Variants in SLC1A1 observed in about 807,000 individuals in gnomAD.
SLC1A1 encodes the protein solute carrier family 1 member 1.
In SLC1A1, 43 loss-of-function variants were observed where a neutral mutation model predicts 53.3. The ratio of observed to expected loss-of-function variants is 0.81; its 90% CI spans 0.63 to 1.04. The LOEUF (loss-of-function observed/expected upper bound fraction) is 1.04. SLC1A1 is among the 50% of genes least tolerant of loss of function. The probability of loss-of-function intolerance (pLI) is 0.00; values close to 1 mark genes in which losing one functional copy is unlikely to be tolerated. For synonymous variants in SLC1A1, 307 were observed against 243.2 expected (o/e 1.26, Z -2.44); for missense variants, 748 against 664.9 (o/e 1.12, Z -1.37).
chr9:4,541,351 T>C (rs1437584118), intron 1 of SLC1A1, among the ~76,000 whole-genome samples: 1 of 152,208 alleles, frequency 6.6e-6, no homozygotes, highest in Non-Finnish European at 1.5e-5. Context: ...AGAAGTTTAG[T>C]AGGATTATAA....
At position 4,583,293 on chromosome 9, in the gene SLC1A1, T is replaced by G; in HGVS notation, c.1328+121T>G. 1.6e-6 allele frequency: 2 copies of G among 1,265,558 alleles called. No individual in the cohort carries two copies. The highest frequency in any genetic ancestry group is 2.3e-6 in the Non-Finnish European group (2 of 870,768). The allele number at this position is 1,265,558 out of a possible 1,614,324, so 78.4% of individuals were successfully genotyped here. Reference sequence around the variant, plus strand: ...GCCTAATGAGCCACCTGTTGCTGCTTTAATTTTCCTCTGACCAGGCCATCT... The same window carrying G: ...GCCTAATGAGCCACCTGTTGCTGCTGTAATTTTCCTCTGACCAGGCCATCT... On this transcript the variant is annotated intron_variant, in intron 11 of 11. Coordinates refer to ENST00000262352, the MANE Select transcript of SLC1A1 (RefSeq NM_004170.6). This position sits in a 1 kb window ranked among gnomAD's most constrained non-coding sequence, Gnocchi z 4.6.
chr9:4,515,543 A>T (rs1821133263), intron 1 of SLC1A1, among the ~76,000 whole-genome samples: 1 of 152,184 alleles, frequency 6.6e-6, no homozygotes, highest in African/African-American at 2.4e-5. Context: ...CTATAAAAAC[A>T]GATGGGATCC....
chr9:4,528,816 T>A (rs10758629), intron 1 of SLC1A1, among the ~76,000 whole-genome samples: 42,776 of 151,980 alleles, frequency 0.28, 7,368 homozygotes, highest in Admixed American at 0.39. Flanking sequence ...CTGATACCCT[T>A]ATCAACACAC....
chr9:4,526,880 T>A (rs1394506643), intron 1 of SLC1A1, among the ~76,000 whole-genome samples: 2 of 151,908 alleles, frequency 1.3e-5, no homozygotes, highest in East Asian at 3.9e-4. Flanking sequence ...TTACTTTAAG[T>A]GTGGATATGA....
intron 1 of SLC1A1, among the ~76,000 whole-genome samples, chr9:4,511,425 C>T (rs1186149562): frequency 1.3e-5 from 2 of 152,126 alleles, no homozygotes; most frequent in Non-Finnish European, 2.9e-5. Context: ...ACCTAATCAC[C>T]TCTCAAGGGC....
chr9:4,516,372 G>C (rs1821160954), intron 1 of SLC1A1, among the ~76,000 whole-genome samples: 1 of 152,230 alleles, frequency 6.6e-6, no homozygotes, highest in Non-Finnish European at 1.5e-5. Context: ...ATGTGGCAGA[G>C]CCAGAATGGC....
chr9:4,567,811 C>T (rs376062521), intron 6 of SLC1A1, 44 bp downstream of exon 6: 389 of 1,184,148 alleles, frequency 3.3e-4, no homozygotes, highest in Non-Finnish European at 4.8e-4. Context: ...GAGACAGGCA[C>T]TGAGTCATGA....
At chr9:4,579,046 T>G (rs1391939229) in intron 10 of SLC1A1, among the ~76,000 whole-genome samples, 1 of 152,232 alleles carries the variant, frequency 6.6e-6, no homozygotes, top group Admixed American at 6.5e-5. Context: ...CAATGCATTT[T>G]TTAAATCCTC....
intron 1 of SLC1A1, among the ~76,000 whole-genome samples, chr9:4,535,469 GA>G (rs1816640312): frequency 1.3e-5 from 2 of 152,148 alleles, no homozygotes; most frequent in Admixed American, 1.3e-4. Context: ...TTGCTTCAAA[GA>G]GAATAAAATA....
intron 1 of SLC1A1, among the ~76,000 whole-genome samples, chr9:4,535,076 C>G (rs1467744832): frequency 6.6e-6 from 1 of 152,092 alleles, no homozygotes; most frequent in Non-Finnish European, 1.5e-5. Flanking sequence ...TAAGAGCTAT[C>G]TATGACAAAC....
At chr9:4,518,479 A>T (rs1815944346) in intron 1 of SLC1A1, among the ~76,000 whole-genome samples, 1 of 151,828 alleles carries the variant, frequency 6.6e-6, no homozygotes, top group African/African-American at 2.4e-5. Context: ...CGATCATCCC[A>T]CTTTAGCTTC....
chr9:4,497,731 T>C (rs996700199), intron 1 of SLC1A1, among the ~76,000 whole-genome samples: 1 of 152,176 alleles, frequency 6.6e-6, no homozygotes, highest in Non-Finnish European at 1.5e-5. Flanking sequence ...CCCCTTGAGG[T>C]CCCTCTTATT....
intron 10 of SLC1A1, 40 bp from the exon 11 acceptor site, chr9:4,582,998 G>GT (rs759835270): frequency 1.2e-6 from 2 of 1,613,868 alleles, no homozygotes; most frequent in South Asian, 2.2e-5. Flanking sequence ...AACGGGAGAG[G>GT]TAAGTGTCTA....
chr9:4,501,292 CCTG>C (rs749198381), intron 1 of SLC1A1, among the ~76,000 whole-genome samples: 1 of 151,430 alleles, frequency 6.6e-6, no homozygotes, highest in East Asian at 2.0e-4. Context: ...AAACAATTTT[CCTG>C]CTATCATCAT....
At chr9:4,522,281 G>C (rs990392025) in intron 1 of SLC1A1, among the ~76,000 whole-genome samples, 4 of 151,968 alleles carry the variant, frequency 2.6e-5, no homozygotes, top group African/African-American at 9.7e-5. Flanking sequence ...TCGATCTCCT[G>C]ACCTTGTGAT....
intron 2 of SLC1A1, chr9:4,553,983 T>G (rs1818158260): frequency 1.3e-5 from 2 of 152,316 alleles, no homozygotes; most frequent in African/African-American, 4.8e-5. Context: ...TAAGATCATA[T>G]CCTGCCTTGT....
intron 1 of SLC1A1, among the ~76,000 whole-genome samples, chr9:4,528,579 A>G (rs1002462098): frequency 2.6e-5 from 4 of 152,134 alleles, no homozygotes; most frequent in African/African-American, 9.7e-5. Context: ...CCGTCTCAAA[A>G]AACAAACAAA....
intron 1 of SLC1A1, among the ~76,000 whole-genome samples, chr9:4,514,117 G>A (rs1392507757): frequency 6.6e-6 from 1 of 152,150 alleles, no homozygotes; most frequent in South Asian, 2.1e-4. Context: ...AATTTTGATG[G>A]TGGCTATAAG....
At chr9:4,501,243 G>A (rs920959828) in intron 1 of SLC1A1, among the ~76,000 whole-genome samples, 2 of 151,514 alleles carry the variant, frequency 1.3e-5, no homozygotes, top group Non-Finnish European at 2.9e-5. Flanking sequence ...GAGTGTAGTA[G>A]TGTGATCTCG....
Sources: gnomAD v4.1 joint callset for allele counts (sites outside exome capture counted in the v4.1 genomes callset) on GRCh38, gnomAD v4.1.1 for gene constraint, Gnocchi (gnomAD v3.1) non-coding constraint, MANE v1.5 for transcripts, NCBI Gene and HGNC (gene_info 2026-07-23, HGNC 2026-07-21) for gene names.